Variants in PHEX observed in about 807,000 individuals in gnomAD.
The protein encoded by PHEX is phosphate regulating endopeptidase X-linked.
A neutral mutation model predicts 68.0 loss-of-function variants in PHEX; 16 were observed. The observed-to-expected ratio is 0.24, with a 90% CI of 0.16 to 0.36. The LOEUF is 0.36. Ranked by LOEUF, PHEX falls within the 10% of genes least tolerant of loss-of-function variation. The probability of loss-of-function intolerance (pLI) is 1.00; values close to 1 mark genes in which losing one functional copy is unlikely to be tolerated. For missense variants in PHEX, 480 were observed against 575.5 expected, an observed-to-expected ratio of 0.83 and a Z score of 1.70; for synonymous variants, 208 against 205.1, an observed-to-expected ratio of 1.01 and a Z score of -0.12.
At position 22,147,961 on chromosome X, in the gene PHEX, G is replaced by GT. The variant is rs370933416; in HGVS notation, c.1404+14341dup. Among the ~76,000 whole-genome samples, 510 of 109,124 alleles carry GT rather than the reference G, an allele frequency of 4.7e-3. 4 individuals are homozygous for GT. The highest frequency in any genetic ancestry group is 0.017 in the African/African-American group (499 of 29,965). 94.8% of individuals were successfully genotyped at this position (109,124 alleles called of 115,157 possible). On this transcript the variant is annotated intron_variant, in intron 12 of 21. Coordinates refer to ENST00000379374, the MANE Select transcript of PHEX (RefSeq NM_000444.6). ...GTGAAAGGCCCGAGGAACAGAGTAGGTTTTATTTTTTTTTCCATCTAGGTA... is the reference window on the plus strand; with the variant it reads ...GTGAAAGGCCCGAGGAACAGAGTAGGTTTTTATTTTTTTTTCCATCTAGGTA...
intron 15 of PHEX, among the ~76,000 whole-genome samples, chrX:22,197,625 C>T (rs1027571659): frequency 6.3e-5 from 7 of 111,162 alleles, no homozygotes; most frequent in African/African-American, 2.3e-4. Context: ...TGCAACCTCA[C>T]GAGACACTGA....
intron 20 of PHEX, among the ~76,000 whole-genome samples, chrX:22,239,374 C>T (rs1000524032): frequency 6.3e-5 from 7 of 110,648 alleles, no homozygotes; most frequent in South Asian, 3.9e-4. Context: ...CAAAACTGGA[C>T]GGAGAAAGAA....
At chrX:22,207,822 A>G (rs1934759179) in intron 15 of PHEX, among the ~76,000 whole-genome samples, 1 of 111,656 alleles carries the variant, frequency 9.0e-6, no homozygotes, top group East Asian at 2.8e-4. Flanking sequence ...ATATACAAAA[A>G]TTATTAAAGA....
At chrX:22,138,055 C>T (rs993214553) in intron 12 of PHEX, among the ~76,000 whole-genome samples, 1 of 112,494 alleles carries the variant, frequency 8.9e-6, no homozygotes, top group East Asian at 2.8e-4. Context: ...CTAAGATACT[C>T]GTTGCTGACT....
In PHEX at chrX:22,044,864, AT is replaced by A. The variant is rs1327782250; in HGVS notation, c.188-2179del. Among the ~76,000 whole-genome samples the A allele has an allele frequency of 4.5e-5, 5 of 110,195 alleles. No individual in the cohort carries two copies. In the South Asian group the frequency reaches 1.5e-3, roughly 34 times the overall value. ...AACTTCTAAGTCTTTATTTTTATTT[AT>A]TTTTTTATTTTTTTAAGAGACGGGG... On this transcript the variant is annotated intron_variant, in intron 2 of 21. Coordinates refer to ENST00000379374, the MANE Select transcript of PHEX (RefSeq NM_000444.6).
At chrX:22,114,744 A>G (rs1602307353) in intron 11 of PHEX, among the ~76,000 whole-genome samples, 158 bp downstream of exon 11, 1 of 112,066 alleles carries the variant, frequency 8.9e-6, no homozygotes, top group African/African-American at 3.2e-5. Flanking sequence ...AAGAAAGGTC[A>G]TCAAACGAGA....
At chrX:22,115,321 ACT>A (rs988872460) in intron 11 of PHEX, among the ~76,000 whole-genome samples, 3 of 112,025 alleles carry the variant, frequency 2.7e-5, no homozygotes, top group African/African-American at 9.7e-5. Context: ...ACAGAGCGAG[ACT>A]CTGTCTCAAA....
intron 18 of PHEX, among the ~76,000 whole-genome samples, chrX:22,224,986 T>TCTGTATGATTTATTATCATACAGCG (rs1935422490): frequency 4.6e-5 from 2 of 43,514 alleles, no homozygotes; most frequent in Non-Finnish European, 9.1e-5. Context: ...ATCATACAGC[T>TCTGTATGATTTATTATCATACAGCG]CTGTATGTCA....
intron 2 of PHEX, among the ~76,000 whole-genome samples, chrX:22,039,293 G>A (rs1569366820): frequency 2.7e-5 from 3 of 112,557 alleles, no homozygotes; most frequent in South Asian, 7.3e-4. Flanking sequence ...TCTGTCACAC[G>A]TTGCAAGTCA....
chrX:22,133,594 T>C lies in PHEX; in HGVS notation c.1374T>C (p.Asp458=), dbSNP rs370746437. 4.2e-5 allele frequency: 51 copies of C among 1,204,524 alleles called. No homozygotes were observed. Among genetic ancestry groups the C allele is most frequent in the Non-Finnish European group, 5.5e-5 (49 of 890,805 alleles). ...TAGAGAAAGAAAATGAGTGGATGGATGCAGGAACGAAAAGGAAAGCCAAAG... is the reference window on the plus strand; with the variant it reads ...TAGAGAAAGAAAATGAGTGGATGGACGCAGGAACGAAAAGGAAAGCCAAAG... The part of the protein sequence containing the change: ...DMLEKENEWM[D]AGTKRKAKEK... Residue 458 remains aspartate, a synonymous_variant, in exon 12 of 22, where the codon GAT becomes GAC. Coordinates refer to ENST00000379374, the MANE Select transcript of PHEX (RefSeq NM_000444.6).
chrX:22,077,614 C>T lies in PHEX; in HGVS notation c.575C>T (p.Ala192Val). Residue 192 changes from alanine to valine, a missense_variant, in exon 5 of 22, where the codon GCA (alanine) becomes GTA (valine). Ala to Val is a moderately conservative substitution (Grantham distance 64). Coordinates refer to ENST00000379374, the MANE Select transcript of PHEX (RefSeq NM_000444.6). Reference sequence around the variant, plus strand: ...AAGTTCAGCCTTCTGCAGACACTTGCAACGTTTCGTGGTCAATACAGCAAT... The same window carrying T: ...AAGTTCAGCCTTCTGCAGACACTTGTAACGTTTCGTGGTCAATACAGCAAT... ...ERKFSLLQTLATFRGQYSNSV... is the reference protein window; with the variant it reads ...ERKFSLLQTLVTFRGQYSNSV... 2 of 1,210,801 alleles carry T rather than the reference C, an allele frequency of 1.7e-6. No individual in the cohort carries two copies. The highest frequency in any genetic ancestry group is 1.1e-6 in the Non-Finnish European group (1 of 894,801).
intron 14 of PHEX, among the ~76,000 whole-genome samples, chrX:22,184,046 T>C (rs975905828): frequency 4.5e-5 from 5 of 111,908 alleles, no homozygotes; most frequent in African/African-American, 9.7e-5. Flanking sequence ...TTTTCTGTCA[T>C]TGAAAAACAA....
chrX:22,100,333 T>C (rs935012268), intron 9 of PHEX, among the ~76,000 whole-genome samples: 1 of 111,870 alleles, frequency 8.9e-6, no homozygotes, highest in African/African-American at 3.3e-5. Context: ...CTCAGAAGAA[T>C]CTTATGATTA....
chrX:22,146,549 G>T (rs1415899037), intron 12 of PHEX, among the ~76,000 whole-genome samples: 1 of 112,126 alleles, frequency 8.9e-6, no homozygotes, highest in Non-Finnish European at 1.9e-5. Flanking sequence ...GGGTGTGGTG[G>T]CTCACATCTG....
At chrX:22,145,266 C>T (rs780697005) in intron 12 of PHEX, among the ~76,000 whole-genome samples, 60 of 111,868 alleles carry the variant, frequency 5.4e-4, no homozygotes, top group Non-Finnish European at 6.2e-4. Flanking sequence ...CAGGCCACAC[C>T]CCATATGAAG....
intron 9 of PHEX, among the ~76,000 whole-genome samples, chrX:22,106,642 C>T (rs760431199): frequency 1.6e-4 from 18 of 110,482 alleles, no homozygotes; most frequent in Middle Eastern, 9.3e-3. Context: ...AGCACAGTGG[C>T]GCATGCCTGT....
rs183320698 is a variant in PHEX, at chrX:22,109,328, T to A, written c.1080-2139T>A. On this transcript the variant is annotated intron_variant, in intron 9 of 21. Coordinates refer to ENST00000379374, the MANE Select transcript of PHEX (RefSeq NM_000444.6). ...AACCAAATCCTATATGGACACTGTG[T>A]CTTGAAGAATTAACCCAATGGTGTT... is the stretch of plus-strand genomic sequence containing the variant. Among the ~76,000 whole-genome samples, 156 of 112,660 alleles carry A rather than the reference T, an allele frequency of 1.4e-3. 2 individuals are homozygous for A. The highest frequency in any genetic ancestry group is 4.7e-3 in the African/African-American group (147 of 31,080).
rs1927566706 is a variant in PHEX, at chrX:22,047,030, A to G, written c.188-20A>G. 4 of 1,185,557 alleles carry G rather than the reference A, an allele frequency of 3.4e-6. No individual in the cohort carries two copies. Among genetic ancestry groups the G allele is most frequent in the Non-Finnish European group, 4.6e-6 (4 of 871,608 alleles). On this transcript the variant is annotated intron_variant, in intron 2 of 21. Transcript: ENST00000379374. Reference sequence around the variant, plus strand: ...ACATTCAGTGCTTGTCATTAATCCTATGATTTTCTTTCTAAATAGCTGCTG... The same window carrying G: ...ACATTCAGTGCTTGTCATTAATCCTGTGATTTTCTTTCTAAATAGCTGCTG...
chrX:22,230,790 C>A (rs1260950422), intron 20 of PHEX, among the ~76,000 whole-genome samples: 2 of 111,447 alleles, frequency 1.8e-5, no homozygotes, highest in Non-Finnish European at 3.8e-5. Flanking sequence ...GCCTGACTGC[C>A]CTGGCCAGAA....
Sources: allele counts gnomAD v4.1 joint callset (sites outside exome capture counted in the v4.1 genomes callset), GRCh38; gene constraint gnomAD v4.1.1; transcripts MANE v1.5; gene names NCBI Gene and HGNC (gene_info 2026-07-23, HGNC 2026-07-21).